The following TMEM17 variants were observed in gnomAD, a reference collection of about 807,000 sequenced individuals.
TMEM17 encodes the protein transmembrane protein 17.
Under a neutral mutation model 19.1 loss-of-function variants are expected in TMEM17, and 15 were observed. The ratio of observed to expected loss-of-function variants is 0.78; its 90% CI spans 0.52 to 1.21. TMEM17 has a LOEUF of 1.21. Among genes scored for constraint, TMEM17 ranks in the 50% most tolerant of loss-of-function variants. The pLI, the probability that TMEM17 is intolerant of heterozygous loss-of-function variation, is 0.00. For missense variants in TMEM17, 245 were observed against 242.3 expected, an observed-to-expected ratio of 1.01 and a Z score of -0.07; for synonymous variants, 103 against 86.9, an observed-to-expected ratio of 1.19 and a Z score of -1.03.
chr2:62,465,567 T>A, the TMEM17 span, among the ~76,000 whole-genome samples: 1 of 151,024 alleles, frequency 6.6e-6, no homozygotes, highest in Non-Finnish European at 1.5e-5. Context: ...GAGCTCAGGA[T>A]GGGCAGCATA....
chr2:62,461,412 T>C, the TMEM17 span, among the ~76,000 whole-genome samples: 1 of 152,152 alleles, frequency 6.6e-6, no homozygotes, highest in Non-Finnish European at 1.5e-5. Context: ...GGTTTTCTGG[T>C]TCCCTGCTAG....
the TMEM17 span, among the ~76,000 whole-genome samples, chr2:62,472,654 G>A: frequency 9.9e-5 from 15 of 152,266 alleles, no homozygotes; most frequent in Admixed American, 2.6e-4. Context: ...AGGTCAAGGG[G>A]ATCTCCTCAG....
At chr2:62,456,069 TG>T in the TMEM17 span, among the ~76,000 whole-genome samples, 1 of 152,224 alleles carries the variant, frequency 6.6e-6, no homozygotes, top group African/African-American at 2.4e-5. Context: ...TCAATTTCCC[TG>T]GGAGGTGTAG....
At chr2:62,498,715 C>CAAAAAA (rs1439088466), downstream of TMEM17, among the ~76,000 whole-genome samples, 3 of 104,312 alleles carry the variant, frequency 2.9e-5, no homozygotes, top group African/African-American at 7.3e-5. Flanking sequence ...GACTCCGTCT[C>CAAAAAA]AAAAATAAAA....
downstream of TMEM17, among the ~76,000 whole-genome samples, chr2:62,497,155 A>G (rs1166362729): frequency 6.6e-6 from 1 of 152,170 alleles, no homozygotes; most frequent in African/African-American, 2.4e-5. Context: ...TTTTATTGCC[A>G]CTGACTTTAT....
intron 1 of TMEM17, 26 bp from the exon 2 acceptor site, chr2:62,502,820 A>G (rs1679968426): frequency 6.9e-7 from 1 of 1,447,812 alleles, no homozygotes; most frequent in Non-Finnish European, 9.5e-7. Context: ...AAAAGGAACA[A>G]ATGATGAATC....
chr2:62,498,669 TC>T (rs1679836477), downstream of TMEM17, among the ~76,000 whole-genome samples: 1 of 143,636 alleles, frequency 7.0e-6, no homozygotes, highest in African/African-American at 2.6e-5. Flanking sequence ...TGAGCCGAGA[TC>T]CCGCCACTGC....
chr2:62,483,673 C>T, the TMEM17 span, among the ~76,000 whole-genome samples: 2 of 150,588 alleles, frequency 1.3e-5, no homozygotes, highest in African/African-American at 4.9e-5. Context: ...GATCTCAGCT[C>T]ACTGCAACCT....
At chr2:62,498,133 C>T (rs1679816886), downstream of TMEM17, among the ~76,000 whole-genome samples, 1 of 152,100 alleles carries the variant, frequency 6.6e-6, no homozygotes, top group African/African-American at 2.4e-5. Flanking sequence ...GCCTGTAATC[C>T]CAGCACTTTG....
the TMEM17 span, among the ~76,000 whole-genome samples, chr2:62,466,234 T>G: frequency 6.6e-6 from 1 of 151,398 alleles, no homozygotes; most frequent in Non-Finnish European, 1.5e-5. Flanking sequence ...TTCTGCAGGG[T>G]GGTAGTGGTG....
At chr2:62,494,547 T>C in the TMEM17 span, among the ~76,000 whole-genome samples, 1 of 152,170 alleles carries the variant, frequency 6.6e-6, no homozygotes, top group African/African-American at 2.4e-5. Flanking sequence ...TATTGAGCAG[T>C]GTCTCTAATG....
chr2:62,482,216 T>C, the TMEM17 span, among the ~76,000 whole-genome samples: 2 of 152,250 alleles, frequency 1.3e-5, no homozygotes, highest in African/African-American at 4.8e-5. Flanking sequence ...AAGGGAATTC[T>C]GTGAAATGTA....
At chr2:62,459,926 C>T in the TMEM17 span, among the ~76,000 whole-genome samples, 2 of 152,192 alleles carry the variant, frequency 1.3e-5, no homozygotes, top group Non-Finnish European at 2.9e-5. Context: ...TGGGCACCAC[C>T]GTGCCCCACT....
chr2:62,504,811 T>C (rs1455839027), intron 1 of TMEM17, among the ~76,000 whole-genome samples: 1 of 152,216 alleles, frequency 6.6e-6, no homozygotes, highest in Non-Finnish European at 1.5e-5. Flanking sequence ...GTGAAATCCA[T>C]ATGAAATACA....
chr2:62,465,194 A>G, the TMEM17 span, among the ~76,000 whole-genome samples: 20 of 152,328 alleles, frequency 1.3e-4, no homozygotes, highest in South Asian at 3.1e-3. Context: ...TTAGGAATGA[A>G]CAAGGACAGC....
downstream of TMEM17, among the ~76,000 whole-genome samples, chr2:62,498,632 C>T (rs574428742): frequency 2.7e-5 from 4 of 146,502 alleles, no homozygotes; most frequent in Middle Eastern, 3.4e-3. Context: ...AGGAGAATGG[C>T]GTGAACCCGG....
At chr2:62,493,054 C>T in the TMEM17 span, among the ~76,000 whole-genome samples, 1 of 151,766 alleles carries the variant, frequency 6.6e-6, no homozygotes, top group East Asian at 1.9e-4. Flanking sequence ...GTTTTTGATA[C>T]AGGGTCTTAC....
the TMEM17 span, among the ~76,000 whole-genome samples, chr2:62,494,830 C>T: frequency 2.6e-5 from 4 of 151,962 alleles, no homozygotes; most frequent in Non-Finnish European, 5.9e-5. Context: ...AGTGAAACCC[C>T]GTCTCTACTA....
At chr2:62,458,082 T>C in the TMEM17 span, among the ~76,000 whole-genome samples, 6 of 152,214 alleles carry the variant, frequency 3.9e-5, no homozygotes, top group Non-Finnish European at 8.8e-5. Context: ...CGGAGGCTAA[T>C]GACACTTACT....
Sources: allele counts gnomAD v4.1 joint callset (sites outside exome capture counted in the v4.1 genomes callset), GRCh38; gene constraint gnomAD v4.1.1; transcripts MANE v1.5; gene names NCBI Gene and HGNC (gene_info 2026-07-23, HGNC 2026-07-21).